FBXO32: variants seen among roughly 807,000 people sequenced by gnomAD.
FBXO32 encodes the protein F-box protein 32.
In FBXO32, 15 loss-of-function variants were observed where a neutral mutation model predicts 48.3. The ratio of observed to expected loss-of-function variants is 0.31; its 90% CI spans 0.21 to 0.48. The LOEUF (loss-of-function observed/expected upper bound fraction) is 0.48, where lower values mean the gene tolerates loss of function less well. Among genes scored for constraint, FBXO32 ranks in the 20% least tolerant of loss-of-function variants. The probability of loss-of-function intolerance (pLI) is 0.99; values close to 1 mark genes in which losing one functional copy is unlikely to be tolerated. For missense variants in FBXO32, 309 were observed against 432.7 expected (o/e 0.71, Z 2.54); for synonymous variants, 154 against 165.9 (o/e 0.93, Z 0.55).
chr8:123,538,641 GA>G (rs961468820), intron 1 of FBXO32, among the ~76,000 whole-genome samples: 3 of 151,048 alleles, frequency 2.0e-5, no homozygotes, highest in South Asian at 4.2e-4. Context: ...ACAGTTGCTG[GA>G]AAAAAAAATA....
In FBXO32 at chr8:123,531,911, T is replaced by C; in HGVS notation, c.359A>G (p.Asn120Ser). 1.2e-6 allele frequency: 2 copies of C among 1,614,088 alleles called. No homozygotes were observed. Among genetic ancestry groups the C allele is most frequent in the Non-Finnish European group, 1.7e-6 (2 of 1,180,000 alleles). ...STAILDSRRF[N>S]YVVRLLELIA... Reference sequence around the variant, plus strand: ...CTTGAGACTTACCCGGACCACGTAGTTAAATCTTCTGGAATCCAGAATGGC... The same window carrying C: ...CTTGAGACTTACCCGGACCACGTAGCTAAATCTTCTGGAATCCAGAATGGC... Residue 120 changes from asparagine (N) to serine (S), a missense_variant, in exon 4 of 9, where the codon AAC becomes AGC. Coordinates refer to ENST00000517956, the MANE Select transcript of FBXO32 (RefSeq NM_058229.4).
rs907121954 is a variant in FBXO32, at chr8:123,506,786, G to A, written c.652-212C>T. On this transcript the variant is annotated intron_variant, in intron 6 of 8. Coordinates refer to ENST00000517956, the MANE Select transcript of FBXO32 (RefSeq NM_058229.4). The surrounding 1 kb of genome is among the most constrained non-coding windows in gnomAD (Gnocchi z 4.0). Reference sequence around the variant, plus strand: ...AAGTGTGGAGTGCGCTGAGCTGAGTGGTGCCAGAGGGATCGCCCTACATTT... The same window carrying A: ...AAGTGTGGAGTGCGCTGAGCTGAGTAGTGCCAGAGGGATCGCCCTACATTT... Among the ~76,000 whole-genome samples, 1 of 152,160 alleles carries A rather than the reference G, an allele frequency of 6.6e-6. No homozygotes were observed. Among genetic ancestry groups the A allele is most frequent in the African/African-American group, 2.4e-5 (1 of 41,438 alleles).
At position 123,534,670 on chromosome 8, in the gene FBXO32, C is replaced by CT. The variant is rs754808585; in HGVS notation, c.229+31dup. 6.8e-6 allele frequency: 10 copies of CT among 1,459,950 alleles called. No individual in the cohort carries two copies. In the African/African-American group the frequency reaches 1.3e-4, roughly 18 times the overall value. 90.4% of individuals were successfully genotyped at this position (1,459,950 alleles called of 1,614,324 possible). On this transcript the variant is annotated intron_variant, in intron 2 of 8. Coordinates refer to ENST00000517956, the MANE Select transcript of FBXO32 (RefSeq NM_058229.4). ...ACCAATCATAACTATCTTCAAACAGCTTTTTTCTGAAGTTCAAAACAAATG... is the reference window on the plus strand; with the variant it reads ...ACCAATCATAACTATCTTCAAACAGCTTTTTTTCTGAAGTTCAAAACAAATG...
At chr8:123,532,021 C>G in intron 3 of FBXO32, 31 bp from the exon 4 acceptor site, 1 of 1,613,104 alleles carries the variant, frequency 6.2e-7, no homozygotes, top group Non-Finnish European at 8.5e-7. Flanking sequence ...ACAGAAGTTA[C>G]TCCTGCCATG....
At position 123,522,817 on chromosome 8, in the gene FBXO32, C is replaced by T. The variant is rs1480599001; in HGVS notation, c.373-8484G>A. On this transcript the variant is annotated intron_variant, in intron 4 of 8. Coordinates refer to ENST00000517956, the MANE Select transcript of FBXO32 (RefSeq NM_058229.4). ...CAAGGAAGGAGAATTTCAGGTTCTACCTCTTTCAAGAAGCCATCTCCAAGG... is the reference window on the plus strand; with the variant it reads ...CAAGGAAGGAGAATTTCAGGTTCTATCTCTTTCAAGAAGCCATCTCCAAGG... 7.2e-5 allele frequency among the ~76,000 whole-genome samples: 11 copies of T among 152,164 alleles called. No individual in the cohort carries two copies. In the South Asian group the frequency reaches 1.0e-3, roughly 14 times the overall value.
At chr8:123,536,386 A>G (rs62521284) in intron 1 of FBXO32, among the ~76,000 whole-genome samples, 5,790 of 152,258 alleles carry the variant, frequency 0.038, 170 homozygotes, top group Non-Finnish European at 0.059. Context: ...GTTTCTGTCT[A>G]TTTGCATGAC....
chr8:123,531,976 G>A lies in FBXO32; in HGVS notation c.294C>T (p.Cys98=). Residue 98 remains cysteine, a synonymous_variant, in exon 4 of 9, where the codon TGC becomes TGT. Transcript: ENST00000517956. Reference sequence around the variant, plus strand: ...GTCTGTTGAAAGCTTCCCCCAGGGTGCAATATCCATGGCGCTGAACATGAA... The same window carrying A: ...GTCTGTTGAAAGCTTCCCCCAGGGTACAATATCCATGGCGCTGAACATGAA... ...KGSTKERHGY[C]TLGEAFNRLD... is the part of the protein sequence containing the mutation. 2 of 1,614,112 alleles carry A rather than the reference G, an allele frequency of 1.2e-6. No homozygotes were observed. Among genetic ancestry groups the A allele is most frequent in the African/African-American group, 2.7e-5 (2 of 75,030 alleles).
At chr8:123,538,443 C>A (rs575102215) in intron 1 of FBXO32, among the ~76,000 whole-genome samples, 10 of 152,128 alleles carry the variant, frequency 6.6e-5, no homozygotes, top group Non-Finnish European at 1.5e-4. Context: ...CTTTTGTTTT[C>A]TCATAACAGG....
intron 6 of FBXO32, among the ~76,000 whole-genome samples, chr8:123,507,002 C>A (rs1010949508): frequency 2.6e-5 from 4 of 152,182 alleles, no homozygotes; most frequent in Non-Finnish European, 5.9e-5. Flanking sequence ...TAGGTTTACT[C>A]ACTGGCACCT....
chr8:123,512,654 T>C (rs1333775881), intron 6 of FBXO32, among the ~76,000 whole-genome samples: 1 of 151,890 alleles, frequency 6.6e-6, no homozygotes, highest in African/African-American at 2.4e-5. Context: ...CAAACCTCAC[T>C]GGTAATATAC....
At chr8:123,515,919 G>A (rs1253249366) in intron 4 of FBXO32, among the ~76,000 whole-genome samples, 2 of 152,204 alleles carry the variant, frequency 1.3e-5, no homozygotes, top group African/African-American at 2.4e-5. Context: ...TTGAAGCCAG[G>A]AGGCAGAGGT....
chr8:123,511,405 C>T (rs1490812419), intron 6 of FBXO32, among the ~76,000 whole-genome samples: 1 of 151,516 alleles, frequency 6.6e-6, no homozygotes, highest in East Asian at 1.9e-4. Context: ...CAGATGTGGC[C>T]AGGAGGGGTC....
chr8:123,505,552 G>A lies in FBXO32; in HGVS notation c.835-805C>T, dbSNP rs540100322. 9.9e-5 allele frequency among the ~76,000 whole-genome samples: 15 copies of A among 152,102 alleles called. No individual in the cohort carries two copies. In the East Asian group the frequency reaches 1.6e-3, roughly 16 times the overall value. On this transcript the variant is annotated intron_variant, in intron 7 of 8. Transcript: ENST00000517956. ...GGAGTTCAAGACCAGCCTGGCCAAC[G>A]TGGTGAAACCCTGTCTCTACTAAAA...
chr8:123,520,068 G>A (rs535116186), intron 4 of FBXO32, among the ~76,000 whole-genome samples: 83 of 152,328 alleles, frequency 5.4e-4, no homozygotes, highest in African/African-American at 1.6e-3. Flanking sequence ...GATTACAGGC[G>A]TAAGCCATCG....
chr8:123,507,821 C>T (rs1816660142), intron 6 of FBXO32, among the ~76,000 whole-genome samples: 1 of 152,102 alleles, frequency 6.6e-6, no homozygotes, highest in Admixed American at 6.5e-5. Flanking sequence ...GCTGAAGTGG[C>T]TGCACTGAGC....
At chr8:123,530,872 CT>C (rs1320122256) in intron 4 of FBXO32, among the ~76,000 whole-genome samples, 1 of 151,638 alleles carries the variant, frequency 6.6e-6, no homozygotes, top group Non-Finnish European at 1.5e-5. Context: ...TTGTCTTAGC[CT>C]CCCAAAGTGC....
At chr8:123,509,584 C>T (rs1198714930) in intron 6 of FBXO32, among the ~76,000 whole-genome samples, 2 of 152,036 alleles carry the variant, frequency 1.3e-5, no homozygotes, top group South Asian at 2.1e-4. Context: ...ACTGTAGTCC[C>T]AGCTACTCGG....
At position 123,506,251 on chromosome 8, in the gene FBXO32, C is replaced by T. The variant is rs1816615900; in HGVS notation, c.834+141G>A. The T allele has an allele frequency of 1.1e-6, 1 of 931,460 alleles. No homozygotes were observed. Among genetic ancestry groups the T allele is most frequent in the South Asian group, 1.7e-5 (1 of 59,942 alleles). 57.7% of individuals were successfully genotyped at this position (931,460 alleles called of 1,614,324 possible). A position where few individuals can be genotyped will look rare whatever the true frequency, so the allele number is the denominator to read the frequency against. The stretch of plus-strand genomic sequence containing the variant: ...CTCAAAAAACAAAATCACAAAACTC[C>T]TTCAACTGTCATTTTTCAGTCAAAC... On this transcript the variant is annotated intron_variant, in intron 7 of 8. Transcript: ENST00000517956. This position sits in a 1 kb window ranked among gnomAD's most constrained non-coding sequence, Gnocchi z 4.0.
At position 123,509,087 on chromosome 8, in the gene FBXO32, C is replaced by T. The variant is rs73330064; in HGVS notation, c.652-2513G>A. 8.1e-3 allele frequency among the ~76,000 whole-genome samples: 1,240 copies of T among 152,254 alleles called. 17 individuals carry two copies. Among genetic ancestry groups the T allele is most frequent in the African/African-American group, 0.028 (1,168 of 41,544 alleles). ...ATACTGTCACTGTATTTGATTTTTT[C>T]CCCAAGACCCAGTTCTCTTAATTTG... On this transcript the variant is annotated intron_variant, in intron 6 of 8. Transcript: ENST00000517956.
Sources: gnomAD v4.1 joint callset for allele counts (sites outside exome capture counted in the v4.1 genomes callset) on GRCh38, gnomAD v4.1.1 for gene constraint, Gnocchi (gnomAD v3.1) non-coding constraint, MANE v1.5 for transcripts, NCBI Gene and HGNC (gene_info 2026-07-23, HGNC 2026-07-21) for gene names.